The following ATP6V1E2 variants were observed in gnomAD, a reference collection of about 807,000 sequenced individuals.
ATP6V1E2 encodes the protein V-type proton ATPase subunit E 2.
For missense variants in ATP6V1E2, 308 were observed against 273.3 expected (o/e 1.13, Z -0.90); for synonymous variants, 121 against 104.2 (o/e 1.16, Z -0.98).
chr2:46,518,095 A>C (rs1488452623), intron 4 of ATP6V1E2, among the ~76,000 whole-genome samples: 1 of 152,214 alleles, frequency 6.6e-6, no homozygotes, highest in African/African-American at 2.4e-5. Context: ...AGGTAGAAAC[A>C]ATCTACAAGC....
rs112025876 is a variant in ATP6V1E2 at position 46,517,395 on chromosome 2, C to T, written c.-101-4583G>A. 1.2e-3 allele frequency among the ~76,000 whole-genome samples: 178 copies of T among 152,178 alleles called. 3 individuals are homozygous for T. The highest frequency in any genetic ancestry group is 4.0e-3 in the African/African-American group (167 of 41,512). On this transcript the variant is annotated intron_variant, in intron 4 of 4. Coordinates refer to ENST00000522587, the MANE Select transcript of ATP6V1E2 (RefSeq NM_001318063.2). ...GATAAAATTCCTAGAAAGAAACAAA[C>T]GGGAAAAGCTTCATAACACTGGTCT...
At chr2:46,522,467 C>G (rs929986316) in intron 4 of ATP6V1E2, among the ~76,000 whole-genome samples, 2 of 93,838 alleles carry the variant, frequency 2.1e-5, no homozygotes, top group African/African-American at 1.1e-4. Flanking sequence ...TGTTCAACTT[C>G]CACTATGAGT....
At chr2:46,532,409 A>G (rs1667228525) in intron 4 of ATP6V1E2, among the ~76,000 whole-genome samples, 1 of 145,782 alleles carries the variant, frequency 6.9e-6, no homozygotes, top group Non-Finnish European at 1.5e-5. Context: ...GTATTTATGT[A>G]TGTATTTATT....
chr2:46,539,975 G>A (rs747901593), intron 2 of ATP6V1E2, among the ~76,000 whole-genome samples: 3 of 152,204 alleles, frequency 2.0e-5, no homozygotes, highest in Admixed American at 6.5e-5. Flanking sequence ...TTAGCTAGAA[G>A]TGACTGTGGC....
chr2:46,515,982 C>G (rs1379264745), intron 4 of ATP6V1E2, among the ~76,000 whole-genome samples: 1 of 152,154 alleles, frequency 6.6e-6, no homozygotes. Flanking sequence ...AGATAGAACA[C>G]TTATAAATAT....
Position 46,530,864 on chromosome 2 carries a change from G to A in ATP6V1E2, c.-102+4949C>T, listed in dbSNP as rs1029416383. ...GATCTCATGAGACTTATTCACTAGC[G>A]CAAGAACAGCACAGGAAAAACCCAA... is the stretch of plus-strand genomic sequence containing the variant. On this transcript the variant is annotated intron_variant, in intron 4 of 4. Coordinates refer to ENST00000522587, the MANE Select transcript of ATP6V1E2 (RefSeq NM_001318063.2). This position sits in a 1 kb window ranked among gnomAD's most constrained non-coding sequence, Gnocchi z 5.2. Among the ~76,000 whole-genome samples the A allele has an allele frequency of 1.4e-4, 21 of 152,228 alleles. No individual in the cohort carries two copies. The highest frequency in any genetic ancestry group is 2.1e-4 in the South Asian group (1 of 4,824).
intron 4 of ATP6V1E2, among the ~76,000 whole-genome samples, chr2:46,516,643 T>C (rs1188661273): frequency 2.6e-5 from 4 of 152,016 alleles, no homozygotes; most frequent in African/African-American, 4.8e-5. Flanking sequence ...AGAACATATC[T>C]TGAGACCAAA....
In ATP6V1E2 at chr2:46,532,555, G is replaced by A. The variant is rs144151403; in HGVS notation, c.-102+3258C>T. 2.0e-4 allele frequency among the ~76,000 whole-genome samples: 30 copies of A among 152,300 alleles called. No homozygotes were observed. In the East Asian group the frequency reaches 5.8e-3, roughly 29 times the overall value. ...AACCCCAAGGTGATAGTATTAAGAG[G>A]TGGAAACTTTGGGAGGTAATTTGGA... On this transcript the variant is annotated intron_variant, in intron 4 of 4. Transcript: ENST00000522587.
intron 4 of ATP6V1E2, among the ~76,000 whole-genome samples, chr2:46,524,053 A>C (rs906304814): frequency 6.0e-5 from 9 of 151,258 alleles, no homozygotes; most frequent in Admixed American, 5.9e-4. Flanking sequence ...AGTGTAAAGG[A>C]ATACTTGTGT....
At chr2:46,526,746 T>G (rs1399137092) in intron 4 of ATP6V1E2, among the ~76,000 whole-genome samples, 1 of 152,244 alleles carries the variant, frequency 6.6e-6, no homozygotes, top group African/African-American at 2.4e-5. Flanking sequence ...TATTTCATTG[T>G]GTGTATATAC....
In ATP6V1E2 at chr2:46,512,138, C is replaced by T. The variant is rs758555047; in HGVS notation, c.574G>A (p.Val192Ile). 3 of 1,614,174 alleles carry T rather than the reference C, an allele frequency of 1.9e-6. No homozygotes were observed. Among genetic ancestry groups the T allele is most frequent in the African/African-American group, 2.7e-5 (2 of 75,036 alleles). The change falls in exon 5 of 5, where the codon GTT becomes ATT. Residue 192 changes from valine to isoleucine, a missense_variant. Transcript: ENST00000522587. ...AGTCGGCTTTCCAAGGTATTTGAAA[C>T]CTTTATTCTCTGATTGCCACTGTAG... ...EVYSGNQRIK[V>I]SNTLESRLDL...
intron 4 of ATP6V1E2, among the ~76,000 whole-genome samples, chr2:46,532,501 T>C (rs751909292): frequency 3.3e-5 from 5 of 152,204 alleles, no homozygotes; most frequent in Non-Finnish European, 5.9e-5. Context: ...TGAATGTATG[T>C]GTCCTTCCAA....
chr2:46,540,492 C>T (rs534080232), intron 2 of ATP6V1E2, among the ~76,000 whole-genome samples: 3 of 151,358 alleles, frequency 2.0e-5, no homozygotes, highest in Non-Finnish European at 4.4e-5. Flanking sequence ...TCACACAGAC[C>T]TGTGTCTGTT....
At chr2:46,536,105 A>C (rs1469752570) in intron 3 of ATP6V1E2, among the ~76,000 whole-genome samples, 178 bp from the exon 4 acceptor site, 1 of 152,204 alleles carries the variant, frequency 6.6e-6, no homozygotes, top group African/African-American at 2.4e-5. Flanking sequence ...CATCAGTCAC[A>C]ATGACTAGTC....
chr2:46,528,496 G>T (rs1667033770), intron 4 of ATP6V1E2, among the ~76,000 whole-genome samples: 1 of 152,250 alleles, frequency 6.6e-6, no homozygotes, highest in Admixed American at 6.5e-5. Flanking sequence ...ATGCCCACAT[G>T]CTGGGTAGAC....
chr2:46,534,328 G>T (rs375887896), intron 4 of ATP6V1E2: 3 of 152,254 alleles, frequency 2.0e-5, no homozygotes, highest in African/African-American at 7.2e-5. Flanking sequence ...CTACTGTTAA[G>T]TTCAGCCACT....
At chr2:46,525,841 C>A (rs960407787) in intron 4 of ATP6V1E2, among the ~76,000 whole-genome samples, 15 of 152,044 alleles carry the variant, frequency 9.9e-5, no homozygotes, top group Non-Finnish European at 5.9e-5. Flanking sequence ...GTCAGGTTCT[C>A]CCCAAGAGTC....
intron 4 of ATP6V1E2, among the ~76,000 whole-genome samples, chr2:46,524,268 G>C (rs1666781604): frequency 6.6e-6 from 1 of 152,118 alleles, no homozygotes; most frequent in South Asian, 2.1e-4. Context: ...GATGGTTTGA[G>C]ACCTTCCATG....
intron 2 of ATP6V1E2, chr2:46,537,694 G>T (rs1667518909): frequency 6.6e-6 from 1 of 152,168 alleles, no homozygotes; most frequent in African/African-American, 2.4e-5. Context: ...GCTGAAGCTG[G>T]TTCGAGTTGA....
Sources: allele counts gnomAD v4.1 joint callset (sites outside exome capture counted in the v4.1 genomes callset), GRCh38; gene constraint gnomAD v4.1.1; non-coding constraint Gnocchi (gnomAD v3.1); transcripts MANE v1.5; gene names NCBI Gene and HGNC (gene_info 2026-07-23, HGNC 2026-07-21).